The following FAM107B variants were observed in gnomAD, a reference collection of about 807,000 sequenced individuals.
The protein encoded by FAM107B is protein FAM107B.
Under a neutral mutation model 31.5 loss-of-function variants are expected in FAM107B, and 21 were observed. The ratio of observed to expected loss-of-function variants is 0.67; its 90% confidence interval spans 0.47 to 0.96. FAM107B has a LOEUF of 0.96. FAM107B is among the 40% of genes least tolerant of loss of function. FAM107B has a pLI of 0.00. For synonymous variants in FAM107B, 157 were observed against 141.5 expected, an observed-to-expected ratio of 1.11 and a Z score of -0.78; for missense variants, 452 against 377.1, an observed-to-expected ratio of 1.20 and a Z score of -1.64.
chr10:14,689,797 C>A (rs937124078), intron 1 of FAM107B, among the ~76,000 whole-genome samples: 3 of 151,810 alleles, frequency 2.0e-5, no homozygotes, highest in Non-Finnish European at 2.9e-5. Flanking sequence ...CCCATCTCTA[C>A]AAAACAAAAT....
intron 2 of FAM107B, among the ~76,000 whole-genome samples, chr10:14,539,695 G>A (rs1847984501): frequency 6.6e-6 from 1 of 152,196 alleles, no homozygotes; most frequent in African/African-American, 2.4e-5. Flanking sequence ...GCTCAGGGAA[G>A]GAGGTAAAAA....
At chr10:14,526,212 T>C (rs950542754) in intron 3 of FAM107B, among the ~76,000 whole-genome samples, 5 of 152,192 alleles carry the variant, frequency 3.3e-5, no homozygotes, top group Non-Finnish European at 5.9e-5. Context: ...CTCGCTCTAT[T>C]GCCCATGCTG....
At chr10:14,746,018 CTTG>C (rs1832721370) in intron 1 of FAM107B, among the ~76,000 whole-genome samples, 1 of 152,062 alleles carries the variant, frequency 6.6e-6, no homozygotes, top group African/African-American at 2.4e-5. Flanking sequence ...GATAGCTCTT[CTTG>C]TTGAGTTGAT....
intron 2 of FAM107B, among the ~76,000 whole-genome samples, chr10:14,594,483 G>A (rs1852116563): frequency 7.9e-6 from 1 of 126,742 alleles, no homozygotes; most frequent in Non-Finnish European, 1.6e-5. Flanking sequence ...CAGCCTCCAT[G>A]ACAGAGCAAG....
chr10:14,573,645 G>A (rs7068157), intron 2 of FAM107B, among the ~76,000 whole-genome samples: 39,864 of 151,306 alleles, frequency 0.26, 5,859 homozygotes, highest in Middle Eastern at 0.35. Context: ...TTGGGAGGCA[G>A]AGGCAGGAGA....
chr10:14,528,923 T>C (rs567727201), intron 3 of FAM107B, among the ~76,000 whole-genome samples: 6 of 152,360 alleles, frequency 3.9e-5, no homozygotes, highest in African/African-American at 1.4e-4. Context: ...TGGAGCCCTT[T>C]CATAGATTTT....
intron 2 of FAM107B, among the ~76,000 whole-genome samples, chr10:14,545,468 G>T (rs146136269): frequency 3.2e-4 from 48 of 152,258 alleles, no homozygotes; most frequent in Admixed American, 7.8e-4. Context: ...GCTAAAAAAA[G>T]ATATTTAGAT....
intron 2 of FAM107B, among the ~76,000 whole-genome samples, chr10:14,559,538 A>G (rs1018115645): frequency 8.0e-5 from 12 of 150,414 alleles, no homozygotes; most frequent in African/African-American, 2.9e-4. Context: ...CTTCAGTCCT[A>G]TAAGCCCGCA....
intron 2 of FAM107B, among the ~76,000 whole-genome samples, chr10:14,643,648 G>C (rs1357079966): frequency 6.6e-6 from 1 of 152,092 alleles, no homozygotes; most frequent in African/African-American, 2.4e-5. Flanking sequence ...GACCTCAAGT[G>C]ATCTGCCCAC....
At chr10:14,533,449 G>A (rs747881079) in intron 2 of FAM107B, among the ~76,000 whole-genome samples, 3 of 152,166 alleles carry the variant, frequency 2.0e-5, no homozygotes, top group Admixed American at 6.5e-5. Flanking sequence ...AGTCTGAGAC[G>A]TCTGATCGAC....
intron 4 of FAM107B, among the ~76,000 whole-genome samples, chr10:14,521,569 G>A (rs916726196): frequency 1.3e-5 from 2 of 152,236 alleles, no homozygotes; most frequent in South Asian, 2.1e-4. Context: ...TGGAGTCAAC[G>A]CGCAGTTGCT....
At chr10:14,552,072 T>G (rs1478592150) in intron 2 of FAM107B, among the ~76,000 whole-genome samples, 4 of 152,184 alleles carry the variant, frequency 2.6e-5, no homozygotes, top group Admixed American at 6.5e-5. Flanking sequence ...ATGACAGCCT[T>G]AGAGAAACAA....
intron 1 of FAM107B, among the ~76,000 whole-genome samples, chr10:14,729,979 G>A (rs1351167693): frequency 6.6e-6 from 1 of 152,146 alleles, no homozygotes; most frequent in Non-Finnish European, 1.5e-5. Context: ...ATAAATGGGA[G>A]TTGAACAATG....
At chr10:14,749,061 G>A (rs1022289358) in intron 1 of FAM107B, among the ~76,000 whole-genome samples, 1 of 152,186 alleles carries the variant, frequency 6.6e-6, no homozygotes, top group African/African-American at 2.4e-5. Flanking sequence ...GCTTCTCGTA[G>A]AGCCCAAGCC....
chr10:14,655,773 T>C (rs1174296661), intron 2 of FAM107B, among the ~76,000 whole-genome samples: 1 of 152,194 alleles, frequency 6.6e-6, no homozygotes, highest in Non-Finnish European at 1.5e-5. Context: ...CTGTAGGGAC[T>C]GAGGCTTAAC....
chr10:14,706,181 A>G (rs1303790030), intron 1 of FAM107B, among the ~76,000 whole-genome samples: 2 of 152,180 alleles, frequency 1.3e-5, no homozygotes, highest in African/African-American at 2.4e-5. Context: ...TTTGTGTCCT[A>G]TGCTTAACCT....
chr10:14,700,836 A>G lies in FAM107B; in HGVS notation c.412-33145T>C, dbSNP rs1418209291. On this transcript the variant is annotated intron_variant, in intron 1 of 4. Coordinates refer to ENST00000181796, the MANE Select transcript of FAM107B (RefSeq NM_031453.4). ...TGCTGATGGCAAGAGGCAAAAAAAA[A>G]AAAAAAAAAAAAAAAACGCACTAGG... Among the ~76,000 whole-genome samples, 40 of 150,020 alleles carry G rather than the reference A, an allele frequency of 2.7e-4. 1 individual carries two copies. In the South Asian group the frequency reaches 7.6e-3, roughly 29 times the overall value.
chr10:14,534,947 C>A (rs1847455200), intron 2 of FAM107B: 1 of 152,170 alleles, frequency 6.6e-6, no homozygotes, highest in African/African-American at 2.4e-5. Flanking sequence ...CATTTGGATT[C>A]CACCGCCATA....
chr10:14,601,876 C>A (rs1364985320), intron 2 of FAM107B, among the ~76,000 whole-genome samples: 1 of 152,206 alleles, frequency 6.6e-6, no homozygotes, highest in Non-Finnish European at 1.5e-5. Context: ...TCTTTTCCAC[C>A]TTTACTTGTG....
Sources: gnomAD v4.1 joint callset for allele counts (sites outside exome capture counted in the v4.1 genomes callset) on GRCh38, gnomAD v4.1.1 for gene constraint, MANE v1.5 for transcripts, NCBI Gene and HGNC (gene_info 2026-07-23, HGNC 2026-07-21) for gene names.